The following DLGAP1 variants were observed in gnomAD, a reference collection of about 807,000 sequenced individuals.
DLGAP1 encodes DLG associated protein 1.
DLGAP1 carries 11 observed loss-of-function variants against 90.8 expected under a neutral mutation model. The observed-to-expected ratio is 0.12, with a 90% CI of 0.08 to 0.20. The LOEUF is 0.20. DLGAP1 is among the 10% of genes least tolerant of loss of function. The pLI is 1.00. For synonymous variants in DLGAP1, 558 were observed against 540.7 expected, an observed-to-expected ratio of 1.03 and a Z score of -0.44; for missense variants, 1,050 against 1,333.8, an observed-to-expected ratio of 0.79 and a Z score of 3.31.
intron 3 of DLGAP1, among the ~76,000 whole-genome samples, chr18:3,889,836 A>G (rs1599113545): frequency 2.0e-5 from 3 of 152,224 alleles, no homozygotes; most frequent in Admixed American, 2.0e-4. Flanking sequence ...ACTGGAAGCC[A>G]GAGTTGATGC....
At chr18:4,347,308 C>T (rs1007344346) in intron 1 of DLGAP1, among the ~76,000 whole-genome samples, 1 of 152,004 alleles carries the variant, frequency 6.6e-6, no homozygotes, top group Non-Finnish European at 1.5e-5. Flanking sequence ...CAAATTGCTG[C>T]AAAACGTTGG....
chr18:3,674,674 A>G (rs930293410), intron 7 of DLGAP1, among the ~76,000 whole-genome samples: 2 of 151,860 alleles, frequency 1.3e-5, no homozygotes, highest in Non-Finnish European at 2.9e-5. Context: ...TTACCACCCC[A>G]CTACCTCTAC....
intron 7 of DLGAP1, among the ~76,000 whole-genome samples, chr18:3,605,150 C>A (rs1367249905): frequency 6.6e-6 from 1 of 152,202 alleles, no homozygotes; most frequent in Non-Finnish European, 1.5e-5. Flanking sequence ...AATTCTGCCT[C>A]CTCCTGACCA....
intron 6 of DLGAP1, among the ~76,000 whole-genome samples, chr18:3,741,581 CCATCACCATCACCACCATCGCCAT>C (rs2063048198): frequency 2.0e-5 from 3 of 152,028 alleles, no homozygotes; most frequent in African/African-American, 7.2e-5. Context: ...ACTGCTACCA[CCATCACCATCACCACCATCGCCAT>C]CATCACCATC....
chr18:3,926,579 T>TAC (rs1213146100), intron 3 of DLGAP1, among the ~76,000 whole-genome samples: 1 of 151,954 alleles, frequency 6.6e-6, no homozygotes, highest in African/African-American at 2.4e-5. Flanking sequence ...TATATATATA[T>TAC]ACACATATAT....
At chr18:3,782,715 T>C (rs2148139319) in intron 5 of DLGAP1, among the ~76,000 whole-genome samples, 1 of 152,382 alleles carries the variant, frequency 6.6e-6, no homozygotes, top group Admixed American at 6.5e-5. Context: ...AATAAGAACG[T>C]GACTTCCCAT....
intron 3 of DLGAP1, among the ~76,000 whole-genome samples, chr18:3,927,925 A>G (rs1355531720): frequency 1.3e-5 from 2 of 152,296 alleles, no homozygotes; most frequent in East Asian, 3.9e-4. Context: ...CCCTATTGCA[A>G]CAGTTTTTAC....
chr18:4,032,687 C>T (rs759139310), intron 2 of DLGAP1, among the ~76,000 whole-genome samples: 1 of 152,082 alleles, frequency 6.6e-6, no homozygotes, highest in Admixed American at 6.5e-5. Context: ...ACTTGGAAGC[C>T]AAAGTTTTAA....
At chr18:3,845,823 TAACA>T (rs535096480) in intron 4 of DLGAP1, among the ~76,000 whole-genome samples, 29 of 152,356 alleles carry the variant, frequency 1.9e-4, no homozygotes, top group Admixed American at 9.8e-4. Flanking sequence ...TTCAGTCAGC[TAACA>T]AACAGAGAGA....
chr18:3,977,434 G>GGTTTTTTTTTTTTTTTTTTTTTT (rs767760816), intron 3 of DLGAP1, among the ~76,000 whole-genome samples: 7 of 95,332 alleles, frequency 7.3e-5, no homozygotes, highest in African/African-American at 2.5e-4. Context: ...TTTATTCTGT[G>GGTTTTTTTTTTTTTTTTTTTTTT]TTTTTTTTTT....
At chr18:4,113,472 T>C (rs1404198588) in intron 2 of DLGAP1, among the ~76,000 whole-genome samples, 1 of 152,132 alleles carries the variant, frequency 6.6e-6, no homozygotes, top group Non-Finnish European at 1.5e-5. Flanking sequence ...ATTATTATTT[T>C]CTGGCTTGTT....
intron 3 of DLGAP1, among the ~76,000 whole-genome samples, chr18:3,895,548 G>A (rs1238780326): frequency 6.6e-6 from 1 of 152,184 alleles, no homozygotes; most frequent in African/African-American, 2.4e-5. Context: ...TTCGATAAAT[G>A]TTAGCCAAAT....
intron 2 of DLGAP1, among the ~76,000 whole-genome samples, chr18:4,063,982 C>A (rs566361751): frequency 6.6e-6 from 1 of 152,166 alleles, no homozygotes; most frequent in South Asian, 2.1e-4. Flanking sequence ...CCCCACAATT[C>A]ATTCTCAAAT....
chr18:4,454,609 C>T lies in DLGAP1; in HGVS notation c.-267+397G>A, dbSNP rs1359809776. Among the ~76,000 whole-genome samples, 3 of 152,102 alleles carry T rather than the reference C, an allele frequency of 2.0e-5. No individual in the cohort carries two copies. The highest frequency in any genetic ancestry group is 2.0e-4 in the Admixed American group (3 of 15,286). On this transcript the variant is annotated intron_variant, in intron 1 of 12. Coordinates refer to ENST00000315677, the MANE Select transcript of DLGAP1 (RefSeq NM_004746.4). This position sits in a 1 kb window ranked among gnomAD's most constrained non-coding sequence, Gnocchi z 4.7. The stretch of plus-strand genomic sequence containing the variant: ...CAGCCCCCTCCTCCCCTGCAAGGTG[C>T]ATCGGGGGTGGGGTGGGGGTGCGAA...
At chr18:4,088,085 T>A (rs1298812634) in intron 2 of DLGAP1, among the ~76,000 whole-genome samples, 4 of 126,766 alleles carry the variant, frequency 3.2e-5, no homozygotes, top group Non-Finnish European at 6.9e-5. Context: ...CTTAAACATT[T>A]ATTTTTTTCC....
intron 1 of DLGAP1, among the ~76,000 whole-genome samples, chr18:4,261,533 T>G (rs1598748322): frequency 6.6e-6 from 1 of 152,306 alleles, no homozygotes; most frequent in African/African-American, 2.4e-5. Context: ...CAGCTCAAAC[T>G]TATCTACTCT....
intron 1 of DLGAP1, among the ~76,000 whole-genome samples, chr18:4,201,533 T>C (rs113416215): frequency 0.011 from 1,672 of 152,286 alleles, 16 homozygotes; most frequent in Non-Finnish European, 0.018. Context: ...ATCCTTGTAA[T>C]ATAATTTGAA....
intron 7 of DLGAP1, among the ~76,000 whole-genome samples, chr18:3,679,029 G>T (rs898805244): frequency 6.6e-5 from 10 of 152,034 alleles, no homozygotes; most frequent in Admixed American, 3.3e-4. Context: ...ACTGGATCTT[G>T]TTATGTTGCC....
In DLGAP1 at chr18:4,301,021, A is replaced by G. The variant is rs537556730; in HGVS notation, c.-266-149734T>C. Among the ~76,000 whole-genome samples the G allele has an allele frequency of 2.9e-4, 44 of 152,240 alleles. 1 individual carries two copies. The South Asian group carries it at 8.5e-3, about 29-fold the overall frequency. On this transcript the variant is annotated intron_variant, in intron 1 of 12. Transcript: ENST00000315677. Reference sequence around the variant, plus strand: ...ATAAATTGACAAATTATAGTTGTAGATGTTTATGGGATACAAAGTTATATT... The same window carrying G: ...ATAAATTGACAAATTATAGTTGTAGGTGTTTATGGGATACAAAGTTATATT...
Sources: allele counts gnomAD v4.1 joint callset (sites outside exome capture counted in the v4.1 genomes callset), GRCh38; gene constraint gnomAD v4.1.1; non-coding constraint Gnocchi (gnomAD v3.1); transcripts MANE v1.5; gene names NCBI Gene and HGNC (gene_info 2026-07-23, HGNC 2026-07-21).